The following GIPC2 variants were observed in gnomAD, a reference collection of about 807,000 sequenced individuals.
GIPC2 encodes the protein GIPC PDZ domain containing family member 2, also known as PDZ domain-containing protein GIPC2.
Under a neutral mutation model 30.6 loss-of-function variants are expected in GIPC2, and 30 were observed. That is an observed-to-expected ratio of 0.98 (90% confidence interval 0.73 to 1.33). The LOEUF is 1.33. Ranked by LOEUF, GIPC2 falls within the 40% of genes most tolerant of loss-of-function variation. The pLI is 0.00. For synonymous variants in GIPC2, 167 were observed against 150.0 expected, an observed-to-expected ratio of 1.11 and a Z score of -0.83; for missense variants, 414 against 390.3, an observed-to-expected ratio of 1.06 and a Z score of -0.51.
chr1:78,100,617 G>A (rs1181440711), intron 3 of GIPC2, among the ~76,000 whole-genome samples: 1 of 152,092 alleles, frequency 6.6e-6, no homozygotes, highest in Non-Finnish European at 1.5e-5. Flanking sequence ...TTTGAAATCT[G>A]TGGAACGATT....
At chr1:78,061,993 A>G (rs1399744670) in intron 1 of GIPC2, among the ~76,000 whole-genome samples, 1 of 152,216 alleles carries the variant, frequency 6.6e-6, no homozygotes, top group Non-Finnish European at 1.5e-5. Context: ...TCAAGCATTC[A>G]GAATGTGTAT....
At chr1:78,062,509 T>C (rs994539906) in intron 1 of GIPC2, among the ~76,000 whole-genome samples, 2 of 151,680 alleles carry the variant, frequency 1.3e-5, no homozygotes, top group Middle Eastern at 3.4e-3. Flanking sequence ...CTTTTTCTTT[T>C]TTTTTTTTTT....
At chr1:78,128,045 A>G (rs1053601766) in intron 5 of GIPC2, among the ~76,000 whole-genome samples, 1 of 152,218 alleles carries the variant, frequency 6.6e-6, no homozygotes, top group Non-Finnish European at 1.5e-5. Flanking sequence ...GCTGTCTGCA[A>G]CTTAAAAACA....
intron 1 of GIPC2, 39 bp downstream of exon 1, chr1:78,046,373 C>A (rs761354882): frequency 7.0e-7 from 1 of 1,429,078 alleles, no homozygotes; most frequent in South Asian, 1.2e-5. Context: ...GCCTCTCCGC[C>A]GCGCCGCGCC....
intron 5 of GIPC2, among the ~76,000 whole-genome samples, chr1:78,128,149 C>T (rs1180557331): frequency 6.6e-6 from 1 of 152,122 alleles, no homozygotes; most frequent in Non-Finnish European, 1.5e-5. Flanking sequence ...AAGCTGAAAA[C>T]CAATGTCTGA....
At chr1:78,091,522 A>ACAGCCGTC in intron 2 of GIPC2, 1 of 739,188 alleles carries the variant, frequency 1.4e-6, no homozygotes, top group Non-Finnish European at 2.5e-6. Context: ...GCAGCTCCAA[A>ACAGCCGTC]CAGCCGTCCG....
At chr1:78,110,521 T>G (rs145039393) in intron 3 of GIPC2, among the ~76,000 whole-genome samples, 2 of 152,360 alleles carry the variant, frequency 1.3e-5, no homozygotes, top group East Asian at 3.9e-4. Flanking sequence ...GCCAAAGTCC[T>G]TTGCTCTGGT....
chr1:78,116,561 T>G (rs1220171918), intron 3 of GIPC2, among the ~76,000 whole-genome samples: 7 of 151,802 alleles, frequency 4.6e-5, no homozygotes, highest in Non-Finnish European at 1.0e-4. Flanking sequence ...TGTGTCCAAG[T>G]GTTCTCATTG....
chr1:78,100,973 CACACACACAT>C (rs1318014548), intron 3 of GIPC2, among the ~76,000 whole-genome samples: 2 of 142,266 alleles, frequency 1.4e-5, no homozygotes, highest in African/African-American at 5.1e-5. Context: ...CACACACACA[CACACACACAT>C]ACACACGAGG....
chr1:78,083,174 A>G lies in GIPC2; in HGVS notation c.426+2314A>G, dbSNP rs778504530. ...CAATTTAGGATCCTGTATTTCATTT[A>G]TGTCTTTTTAGTCTTCTTTATAATC... On this transcript the variant is annotated intron_variant, in intron 2 of 5. Coordinates refer to ENST00000370759, the MANE Select transcript of GIPC2 (RefSeq NM_017655.6). Among the ~76,000 whole-genome samples, 11 of 152,012 alleles carry G rather than the reference A, an allele frequency of 7.2e-5. No individual in the cohort carries two copies. In the South Asian group the frequency reaches 2.1e-3, roughly 29 times the overall value.
At chr1:78,062,988 C>T (rs1031941030) in intron 1 of GIPC2, among the ~76,000 whole-genome samples, 4 of 152,138 alleles carry the variant, frequency 2.6e-5, no homozygotes, top group South Asian at 2.1e-4. Context: ...GTCTATCTGA[C>T]GTCAAAGTCT....
In GIPC2 at chr1:78,088,191, T is replaced by C. The variant is rs530752924; in HGVS notation, c.427-6761T>C. Among the ~76,000 whole-genome samples, 20 of 152,350 alleles carry C rather than the reference T, an allele frequency of 1.3e-4. No homozygotes were observed. In the South Asian group the frequency reaches 3.9e-3, roughly 30 times the overall value. The stretch of plus-strand genomic sequence containing the variant: ...AGTTCAGCCATTGTGGAAAACCGTA[T>C]GGCAATTCGTCAGCTAAAAGCAGAA... On this transcript the variant is annotated intron_variant, in intron 2 of 5. Coordinates refer to ENST00000370759, the MANE Select transcript of GIPC2 (RefSeq NM_017655.6).
intron 2 of GIPC2, among the ~76,000 whole-genome samples, chr1:78,083,714 C>T (rs895492454): frequency 3.3e-5 from 5 of 152,126 alleles, no homozygotes; most frequent in African/African-American, 1.2e-4. Context: ...TACATGACTT[C>T]GTGTTTTACT....
intron 1 of GIPC2, among the ~76,000 whole-genome samples, chr1:78,052,075 T>A (rs1009675265): frequency 1.3e-5 from 2 of 152,202 alleles, no homozygotes; most frequent in African/African-American, 4.8e-5. Flanking sequence ...TTCCTTCTGC[T>A]CCAGCCAGAC....
chr1:78,126,203 C>G (rs1434015184), intron 5 of GIPC2, among the ~76,000 whole-genome samples: 3 of 152,154 alleles, frequency 2.0e-5, no homozygotes, highest in Non-Finnish European at 4.4e-5. Flanking sequence ...TAAACTGTGA[C>G]TACTATCTCC....
At chr1:78,116,808 G>A (rs1364748028) in intron 3 of GIPC2, among the ~76,000 whole-genome samples, 2 of 152,140 alleles carry the variant, frequency 1.3e-5, no homozygotes, top group South Asian at 2.1e-4. Context: ...TAGTGCTGCA[G>A]TAAACATACA....
At chr1:78,123,715 C>T (rs1043382115) in intron 4 of GIPC2, among the ~76,000 whole-genome samples, 20 of 152,098 alleles carry the variant, frequency 1.3e-4, no homozygotes, top group Non-Finnish European at 2.6e-4. Flanking sequence ...AGATCTGTTC[C>T]GTAGCAAATA....
intron 1 of GIPC2, among the ~76,000 whole-genome samples, chr1:78,054,182 G>A (rs1661247137): frequency 6.6e-6 from 1 of 152,080 alleles, no homozygotes; most frequent in Non-Finnish European, 1.5e-5. Flanking sequence ...AGCCTACCCT[G>A]TGAATCCAGA....
At position 78,112,943 on chromosome 1, in the gene GIPC2, C is replaced by T. The variant is rs756927271; in HGVS notation, c.608-6450C>T. Among the ~76,000 whole-genome samples, 113 of 152,060 alleles carry T rather than the reference C, an allele frequency of 7.4e-4. 3 individuals are homozygous for T. Among genetic ancestry groups the T allele is most frequent in the Non-Finnish European group, 2.2e-4 (15 of 68,014 alleles). ...ATTCGTTATTTGGGTGATGGGTACA[C>T]GAAAAGCCCAGACTTCACCACTAGC... On this transcript the variant is annotated intron_variant, in intron 3 of 5. Transcript: ENST00000370759.
Sources: allele counts gnomAD v4.1 joint callset (sites outside exome capture counted in the v4.1 genomes callset), GRCh38; gene constraint gnomAD v4.1.1; transcripts MANE v1.5; gene names NCBI Gene and HGNC (gene_info 2026-07-23, HGNC 2026-07-21).